The following PCDH9 variants were observed in gnomAD, a reference collection of about 807,000 sequenced individuals.
PCDH9 encodes protocadherin 9.
In PCDH9, 24 loss-of-function variants were observed where a neutral mutation model predicts 70.6. The observed-to-expected ratio is 0.34, with a 90% CI of 0.25 to 0.48. PCDH9 has a LOEUF of 0.48. PCDH9 is among the 20% of genes least tolerant of loss of function. PCDH9 has a pLI of 0.99. For missense variants in PCDH9, 1,281 were observed against 1,503.6 expected (o/e 0.85, Z 2.45); for synonymous variants, 562 against 558.5 (o/e 1.01, Z -0.09).
chr13:67,122,362 TA>T (rs2086893382), intron 2 of PCDH9, among the ~76,000 whole-genome samples: 1 of 152,164 alleles, frequency 6.6e-6, no homozygotes, highest in Admixed American at 6.5e-5. Flanking sequence ...AAAAAGAGTA[TA>T]ACATGCTCTT....
chr13:66,403,249 C>T (rs111342413), intron 4 of PCDH9, among the ~76,000 whole-genome samples: 1,544 of 152,074 alleles, frequency 0.01, 25 homozygotes, highest in African/African-American at 0.036. Context: ...AAGCAATCCT[C>T]CCACCTTAGC....
intron 4 of PCDH9, among the ~76,000 whole-genome samples, chr13:66,400,975 G>GA (rs563600367): frequency 1.4e-4 from 21 of 152,058 alleles, no homozygotes; most frequent in Non-Finnish European, 2.5e-4. Flanking sequence ...ACAATTAACA[G>GA]AAAAAATAAA....
chr13:66,366,988 C>T (rs188864930), intron 4 of PCDH9, among the ~76,000 whole-genome samples: 15 of 152,174 alleles, frequency 9.9e-5, no homozygotes, highest in African/African-American at 3.6e-4. Context: ...CAAGAATCAA[C>T]ACTAATCATC....
At chr13:66,921,555 C>T (rs1176043433) in intron 2 of PCDH9, among the ~76,000 whole-genome samples, 1 of 151,088 alleles carries the variant, frequency 6.6e-6, no homozygotes, top group East Asian at 1.9e-4. Flanking sequence ...GAAGTCCTAA[C>T]GGATCTAAAA....
chr13:66,946,092 C>G (rs1340329359), intron 2 of PCDH9, among the ~76,000 whole-genome samples: 1 of 152,016 alleles, frequency 6.6e-6, no homozygotes, highest in Non-Finnish European at 1.5e-5. Context: ...CTAATGACTT[C>G]TCTTCTTATT....
chr13:66,758,196 T>G (rs186234200), intron 3 of PCDH9, among the ~76,000 whole-genome samples: 1 of 152,184 alleles, frequency 6.6e-6, no homozygotes, highest in Non-Finnish European at 1.5e-5. Flanking sequence ...CACAGTTATT[T>G]TTGTGATGAA....
intron 4 of PCDH9, among the ~76,000 whole-genome samples, chr13:66,480,409 A>G (rs977992973): frequency 1.1e-4 from 16 of 152,248 alleles, no homozygotes; most frequent in African/African-American, 3.9e-4. Context: ...AGAGTAGTAC[A>G]TAAACTATGT....
intron 4 of PCDH9, among the ~76,000 whole-genome samples, chr13:66,618,171 C>T (rs1423406609): frequency 6.6e-6 from 1 of 152,112 alleles, no homozygotes; most frequent in Admixed American, 6.5e-5. Flanking sequence ...CCAATAAAAC[C>T]CTGTCTGACT....
intron 3 of PCDH9, among the ~76,000 whole-genome samples, chr13:66,785,370 G>A (rs534190069): frequency 1.3e-5 from 2 of 151,800 alleles, no homozygotes; most frequent in Non-Finnish European, 2.9e-5. Context: ...TGATCTGTTC[G>A]AAGAGTGTAT....
chr13:67,085,152 A>G (rs2086081689), intron 2 of PCDH9, among the ~76,000 whole-genome samples: 1 of 151,128 alleles, frequency 6.6e-6, no homozygotes, highest in South Asian at 2.1e-4. Context: ...TTTTCCTTTA[A>G]GTGAAAAATT....
intron 2 of PCDH9, among the ~76,000 whole-genome samples, chr13:67,145,475 T>C (rs1394770716): frequency 6.6e-6 from 1 of 152,068 alleles, no homozygotes; most frequent in East Asian, 1.9e-4. Context: ...AGACAAAGTA[T>C]GATTTCTTAA....
intron 4 of PCDH9, among the ~76,000 whole-genome samples, chr13:66,443,312 T>C (rs1157511953): frequency 1.3e-5 from 2 of 152,178 alleles, no homozygotes; most frequent in East Asian, 3.8e-4. Flanking sequence ...GCTGCTGAAG[T>C]GAGCAAAATG....
Position 66,602,009 on chromosome 13 carries a change from TA to T in PCDH9, c.3340+29200del, listed in dbSNP as rs569695716. 1.8e-4 allele frequency among the ~76,000 whole-genome samples: 26 copies of T among 144,608 alleles called. 6 individuals carry two copies. The highest frequency in any genetic ancestry group is 1.1e-3 in the South Asian group (5 of 4,500). 94.9% of individuals were successfully genotyped at this position (144,608 alleles called of 152,430 possible). A position where few individuals can be genotyped will look rare whatever the true frequency, so the allele number is the denominator to read the frequency against. On this transcript the variant is annotated intron_variant, in intron 4 of 4. Transcript: ENST00000377865. ...TTTAGCACATACTCCTTCTACTTAT[TA>T]AAAAAAAAGTTACTTTTACTTAAAA...
intron 2 of PCDH9, among the ~76,000 whole-genome samples, chr13:67,113,912 C>A (rs140289878): frequency 6.6e-6 from 1 of 152,248 alleles, no homozygotes; most frequent in African/African-American, 2.4e-5. Flanking sequence ...CTTCTTTTAC[C>A]GGCTGGAGCT....
chr13:66,972,820 T>G (rs2083548507), intron 2 of PCDH9, among the ~76,000 whole-genome samples: 1 of 152,162 alleles, frequency 6.6e-6, no homozygotes, highest in Admixed American at 6.6e-5. Context: ...TTATTGAAAT[T>G]TTAACTCTAT....
At chr13:66,556,446 A>C (rs1200832092) in intron 4 of PCDH9, among the ~76,000 whole-genome samples, 2 of 152,130 alleles carry the variant, frequency 1.3e-5, no homozygotes, top group Non-Finnish European at 2.9e-5. Flanking sequence ...GAGAATTGGA[A>C]TTTTTATTAG....
intron 2 of PCDH9, among the ~76,000 whole-genome samples, chr13:67,032,096 A>T (rs1334832987): frequency 6.6e-6 from 1 of 152,246 alleles, no homozygotes; most frequent in East Asian, 1.9e-4. Context: ...GCAGTCATAG[A>T]TTATAGATGT....
rs114049115 is a variant in PCDH9 at position 66,643,437 on chromosome 13, G to C, written c.3139-12026C>G. ...ACCTATTATTTCAGACAGTCACTGT[G>C]ACTTTGAGCCTGATATTTGAAACAA... is the stretch of plus-strand genomic sequence containing the variant. On this transcript the variant is annotated intron_variant, in intron 3 of 4. Coordinates refer to ENST00000377865, the MANE Select transcript of PCDH9 (RefSeq NM_203487.3). Among the ~76,000 whole-genome samples, 520 of 151,992 alleles carry C rather than the reference G, an allele frequency of 3.4e-3. 3 individuals are homozygous for C. The highest frequency in any genetic ancestry group is 0.012 in the African/African-American group (503 of 41,500).
At chr13:66,615,355 G>T (rs1476648906) in intron 4 of PCDH9, among the ~76,000 whole-genome samples, 3 of 152,066 alleles carry the variant, frequency 2.0e-5, no homozygotes, top group African/African-American at 7.2e-5. Context: ...CTCCAAAATT[G>T]TATGAGATTT....
Sources: allele counts gnomAD v4.1 joint callset (sites outside exome capture counted in the v4.1 genomes callset), GRCh38; gene constraint gnomAD v4.1.1; transcripts MANE v1.5; gene names NCBI Gene and HGNC (gene_info 2026-07-23, HGNC 2026-07-21).